The following MAPT variants were observed in gnomAD, a reference collection of about 807,000 sequenced individuals.
The protein encoded by MAPT is microtubule-associated protein tau.
Under a neutral mutation model 67.9 loss-of-function variants are expected in MAPT, and 34 were observed. The observed-to-expected ratio is 0.50, with a 90% CI of 0.38 to 0.67. MAPT has a LOEUF of 0.67. MAPT is among the 30% of genes least tolerant of loss of function. MAPT has a pLI of 0.00. For synonymous variants in MAPT, 456 were observed against 464.5 expected (o/e 0.98, Z 0.23); for missense variants, 881 against 1,115.2 (o/e 0.79, Z 2.99).
At chr17:45,949,217 G>C (rs879393458) in intron 1 of MAPT, among the ~76,000 whole-genome samples, 2 of 152,254 alleles carry the variant, frequency 1.3e-5, no homozygotes, top group Non-Finnish European at 2.9e-5. Flanking sequence ...GCGCGGCGGC[G>C]GAGCCCGGGA....
In MAPT at chr17:45,983,214, T is replaced by C. The variant is rs767821676; in HGVS notation, c.635T>C (p.Leu212Pro). 8 of 1,607,732 alleles carry C rather than the reference T, an allele frequency of 5.0e-6. No homozygotes were observed. In the South Asian group the frequency reaches 8.9e-5, roughly 18 times the overall value. Residue 212 changes from leucine to proline, a missense_variant, in exon 5 of 13, where the codon CTC (leucine) becomes CCC (proline). Transcript: ENST00000262410. Reference sequence around the variant, plus strand: ...GGTAAGGTGGTCCAGGAAGGCTTCCTCCGAGAGCCAGGCCCCCCAGGTCTG... The same window carrying C: ...GGTAAGGTGGTCCAGGAAGGCTTCCCCCGAGAGCCAGGCCCCCCAGGTCTG... ...ESGKVVQEGF[L>P]REPGPPGLSH... is the part of the protein sequence containing the mutation.
intron 9 of MAPT, among the ~76,000 whole-genome samples, chr17:46,003,711 G>A (rs1433867469): frequency 6.6e-6 from 1 of 152,210 alleles, no homozygotes; most frequent in African/African-American, 2.4e-5. Context: ...CAGGGCCAGG[G>A]ATGCAGGTGA....
chr17:45,995,197 G>A lies in MAPT; in HGVS notation c.1733-1202G>A, dbSNP rs1598320987. ...CAGGTATGTGTTACAGCAAATGCCTGGGGCAGCGGCAGGGGCATTGCTGCG... is the reference window on the plus strand; with the variant it reads ...CAGGTATGTGTTACAGCAAATGCCTAGGGCAGCGGCAGGGGCATTGCTGCG... On this transcript the variant is annotated intron_variant, in intron 8 of 12. Coordinates refer to ENST00000262410, the MANE Select transcript of MAPT (RefSeq NM_001377265.1). The surrounding 1 kb of genome is among the most constrained non-coding windows in gnomAD (Gnocchi z 4.3). Among the ~76,000 whole-genome samples, 7 of 152,218 alleles carry A rather than the reference G, an allele frequency of 4.6e-5. No individual in the cohort carries two copies. Among genetic ancestry groups the A allele is most frequent in the Admixed American group, 3.9e-4 (6 of 15,282 alleles).
At chr17:45,988,547 C>A (rs534000578) in intron 6 of MAPT, among the ~76,000 whole-genome samples, 1 of 152,176 alleles carries the variant, frequency 6.6e-6, no homozygotes. Flanking sequence ...TGCAGACACC[C>A]GTCCCTGGCT....
At chr17:45,908,334 G>A (rs543489748) in intron 1 of MAPT, 2 of 152,376 alleles carry the variant, frequency 1.3e-5, no homozygotes, top group South Asian at 2.1e-4. Context: ...GATGAGAGGA[G>A]CCTGGCAGGT....
intron 3 of MAPT, chr17:45,977,534 T>C (rs981733251): frequency 1.3e-5 from 2 of 152,238 alleles, no homozygotes; most frequent in African/African-American, 4.8e-5. Context: ...CCTGTAACAG[T>C]GTCCTGTTGT....
intron 2 of MAPT, among the ~76,000 whole-genome samples, chr17:45,970,280 A>G (rs1229630825): frequency 6.6e-6 from 1 of 152,176 alleles, no homozygotes; most frequent in African/African-American, 2.4e-5. Flanking sequence ...ATTAATTCAT[A>G]TATCCATCCA....
intron 1 of MAPT, among the ~76,000 whole-genome samples, chr17:45,942,992 G>A (rs1323764292): frequency 1.3e-5 from 2 of 152,200 alleles, no homozygotes; most frequent in South Asian, 2.1e-4. Context: ...CCATGCAGAA[G>A]TGTCTGGGGG....
chr17:45,946,156 C>G (rs990087288), intron 1 of MAPT, among the ~76,000 whole-genome samples: 4 of 152,172 alleles, frequency 2.6e-5, no homozygotes, highest in African/African-American at 9.6e-5. Context: ...GAAACTGCTT[C>G]TCATCCACTT....
rs1315488910 is a variant in MAPT at position 46,027,322 on chromosome 17, CT to C, written c.*3152del. ...CTGGCAGATAAATTGAAAAGGCACG[CT>C]GGCTTGTGATCTTAAATGAGGACAA... is the stretch of plus-strand genomic sequence containing the variant. On this transcript the variant is annotated 3_prime_UTR_variant, in exon 13 of 13. Transcript: ENST00000262410. The C allele has an allele frequency of 6.5e-6, 1 of 152,770 alleles. No individual in the cohort carries two copies. The highest frequency in any genetic ancestry group is 1.5e-5 in the Non-Finnish European group (1 of 68,154). 9.5% of individuals were successfully genotyped at this position (152,770 alleles called of 1,614,324 possible).
intron 1 of MAPT, among the ~76,000 whole-genome samples, chr17:45,952,584 T>C (rs1348608959): frequency 6.6e-6 from 1 of 152,120 alleles, no homozygotes; most frequent in African/African-American, 2.4e-5. Flanking sequence ...CTGGGGTTCA[T>C]GACCAGCCTG....
rs142458910 is a variant in MAPT, at chr17:45,961,495, G to A, written c.-17-826G>A. On this transcript the variant is annotated intron_variant, in intron 1 of 12. Coordinates refer to ENST00000262410, the MANE Select transcript of MAPT (RefSeq NM_001377265.1). Reference sequence around the variant, plus strand: ...CTGACTCCAGGAAGCCAGCAAACTCGGAGCTGGAGGAGTCAGGACACCCCC... The same window carrying A: ...CTGACTCCAGGAAGCCAGCAAACTCAGAGCTGGAGGAGTCAGGACACCCCC... Among the ~76,000 whole-genome samples the A allele has an allele frequency of 1.3e-3, 193 of 152,312 alleles. 1 individual carries two copies. Among genetic ancestry groups the A allele is most frequent in the Non-Finnish European group, 2.4e-3 (160 of 68,032 alleles).
chr17:45,971,815 TG>T lies in MAPT; in HGVS notation c.134-40del. ...TCCTCCTGAGAACAAAAGGGGGCGCTGGGGAGAGGCCACCGTTCTGAGGGCT... is the reference window on the plus strand; with the variant it reads ...TCCTCCTGAGAACAAAAGGGGGCGCTGGGAGAGGCCACCGTTCTGAGGGCT... On this transcript the variant is annotated intron_variant, in intron 2 of 12. Coordinates refer to ENST00000262410, the MANE Select transcript of MAPT (RefSeq NM_001377265.1). The surrounding 1 kb of genome is among the most constrained non-coding windows in gnomAD (Gnocchi z 4.3). The T allele has an allele frequency of 7.2e-7, 1 of 1,386,448 alleles. No individual in the cohort carries two copies. The highest frequency in any genetic ancestry group is 1.4e-5 in the African/African-American group (1 of 70,562). The allele number at this position is 1,386,448 out of a possible 1,614,324, so 85.9% of individuals were successfully genotyped here.
chr17:45,934,909 CT>C (rs767663460), intron 1 of MAPT, among the ~76,000 whole-genome samples: 4 of 152,038 alleles, frequency 2.6e-5, no homozygotes, highest in African/African-American at 4.8e-5. Flanking sequence ...AGAAGGACCT[CT>C]GATCCTACTG....
At chr17:45,989,827 C>A in intron 6 of MAPT, 51 bp from the exon 7 acceptor site, 1 of 1,523,378 alleles carries the variant, frequency 6.6e-7, no homozygotes, top group Non-Finnish European at 9.1e-7. Flanking sequence ...GTTTGTTTCC[C>A]TCCTCCATGT....
chr17:46,016,581 C>T (rs1345710628), intron 11 of MAPT, among the ~76,000 whole-genome samples: 1 of 151,880 alleles, frequency 6.6e-6, no homozygotes, highest in Non-Finnish European at 1.5e-5. Context: ...ACCATCCTGG[C>T]TAACACAGTG....
intron 1 of MAPT, among the ~76,000 whole-genome samples, chr17:45,904,347 TTATA>T (rs980838977): frequency 3.7e-5 from 3 of 81,446 alleles, no homozygotes; most frequent in Non-Finnish European, 4.5e-5. Flanking sequence ...TATATATATA[TTATA>T]TATATTATAT....
chr17:45,981,447 G>A (rs975137586), intron 4 of MAPT, among the ~76,000 whole-genome samples: 1 of 152,218 alleles, frequency 6.6e-6, no homozygotes, highest in African/African-American at 2.4e-5. Flanking sequence ...GGGTTGGTGT[G>A]CAGCAAGCTG....
chr17:45,955,607 G>A (rs2069549351), intron 1 of MAPT, among the ~76,000 whole-genome samples: 1 of 152,182 alleles, frequency 6.6e-6, no homozygotes, highest in African/African-American at 2.4e-5. Context: ...AGGGGTGTTG[G>A]CAGCCACAAC....
Sources: allele counts gnomAD v4.1 joint callset (sites outside exome capture counted in the v4.1 genomes callset), GRCh38; gene constraint gnomAD v4.1.1; non-coding constraint Gnocchi (gnomAD v3.1); transcripts MANE v1.5; gene names NCBI Gene and HGNC (gene_info 2026-07-23, HGNC 2026-07-21).